The following RABL3 variants were observed in gnomAD, a reference collection of about 807,000 sequenced individuals.
RABL3 encodes rab-like protein 3.
In RABL3, 31 loss-of-function variants were observed where a neutral mutation model predicts 31.8. The observed-to-expected ratio is 0.97, with a 90% CI of 0.73 to 1.31. RABL3 has a LOEUF of 1.31. Ranked by LOEUF, RABL3 falls within the 40% of genes most tolerant of loss-of-function variation. The probability of loss-of-function intolerance (pLI) is 0.00; values close to 1 mark genes in which losing one functional copy is unlikely to be tolerated. For synonymous variants in RABL3, 97 were observed against 99.9 expected (o/e 0.97, Z 0.18); for missense variants, 263 against 279.6 (o/e 0.94, Z 0.42).
chr3:120,685,740 C>T lies in RABL3; in HGVS notation c.*4083G>A, dbSNP rs1042060342. On this transcript the variant is annotated 3_prime_UTR_variant, in exon 8 of 8. Coordinates refer to ENST00000273375, the MANE Select transcript of RABL3 (RefSeq NM_173825.5). Reference sequence around the variant, plus strand: ...TGGCACTCATAAAGTACAGAGTTCACAATCTATATTCCCTACTTTTTGATG... The same window carrying T: ...TGGCACTCATAAAGTACAGAGTTCATAATCTATATTCCCTACTTTTTGATG... Among the ~76,000 whole-genome samples, 2 of 152,166 alleles carry T rather than the reference C, an allele frequency of 1.3e-5. No homozygotes were observed. Among genetic ancestry groups the T allele is most frequent in the East Asian group, 3.9e-4 (2 of 5,192 alleles).
chr3:120,693,740 G>A (rs1708405539), intron 6 of RABL3, among the ~76,000 whole-genome samples: 1 of 152,154 alleles, frequency 6.6e-6, no homozygotes, highest in South Asian at 2.1e-4. Context: ...AAAGGTAACA[G>A]TAACATTTAT....
intron 2 of RABL3, 148 bp downstream of exon 2, chr3:120,730,548 A>C: frequency 1.7e-6 from 1 of 573,584 alleles, no homozygotes; most frequent in Non-Finnish European, 3.1e-6. Context: ...ATGTAAAGCA[A>C]CTGGCATAGT....
chr3:120,696,153 C>T (rs146840288), intron 5 of RABL3, among the ~76,000 whole-genome samples: 1 of 152,216 alleles, frequency 6.6e-6, no homozygotes, highest in Non-Finnish European at 1.5e-5. Context: ...AGTAATGGTT[C>T]ACCTATTTAT....
intron 7 of RABL3, among the ~76,000 whole-genome samples, chr3:120,690,090 G>T (rs1708361960): frequency 6.6e-6 from 1 of 152,054 alleles, no homozygotes; most frequent in African/African-American, 2.4e-5. Flanking sequence ...CCAACAAATT[G>T]GTGATAGTGT....
Position 120,686,423 on chromosome 3 carries a change from A to G in RABL3, c.*3400T>C, listed in dbSNP as rs999318889. ...ACTCTGATTACAAGGAGCAATTAGG[A>G]GCTCTTCACCTCAGTCTGATGTCCC... On this transcript the variant is annotated 3_prime_UTR_variant, in exon 8 of 8. Transcript: ENST00000273375. Among the ~76,000 whole-genome samples, 2 of 152,194 alleles carry G rather than the reference A, an allele frequency of 1.3e-5. No homozygotes were observed. Among genetic ancestry groups the G allele is most frequent in the Non-Finnish European group, 2.9e-5 (2 of 68,040 alleles).
chr3:120,724,072 C>T (rs1708784815), intron 2 of RABL3, among the ~76,000 whole-genome samples: 1 of 152,190 alleles, frequency 6.6e-6, no homozygotes, highest in African/African-American at 2.4e-5. Flanking sequence ...CCCAAAATCT[C>T]CTTAAGCTGA....
At chr3:120,725,222 A>C (rs1708803033) in intron 2 of RABL3, among the ~76,000 whole-genome samples, 1 of 152,236 alleles carries the variant, frequency 6.6e-6, no homozygotes. Flanking sequence ...GCCATCAGAG[A>C]AATGCAAATC....
intron 6 of RABL3, among the ~76,000 whole-genome samples, chr3:120,692,141 TTAC>T (rs1708386798): frequency 1.3e-5 from 2 of 152,210 alleles, no homozygotes; most frequent in African/African-American, 4.8e-5. Flanking sequence ...GCGTGAGGAA[TTAC>T]TACTAGTTGA....
chr3:120,729,594 T>A (rs1708859307), intron 2 of RABL3, among the ~76,000 whole-genome samples: 1 of 152,170 alleles, frequency 6.6e-6, no homozygotes, highest in Admixed American at 6.5e-5. Flanking sequence ...CAGGACATTT[T>A]GGAAAATTTT....
In RABL3 at chr3:120,689,813, T is replaced by G. The variant is rs776064798; in HGVS notation, c.*10A>C. 1 of 1,588,976 alleles carries G rather than the reference T, an allele frequency of 6.3e-7. No homozygotes were observed. The highest frequency in any genetic ancestry group is 2.2e-5 in the East Asian group (1 of 44,722). ...ACTGCTTGCTCACTCTTCCAAAGGA[T>G]GAGTGTAATTCAGTCATAATGAAGG... On this transcript the variant is annotated 3_prime_UTR_variant, in exon 8 of 8. Coordinates refer to ENST00000273375, the MANE Select transcript of RABL3 (RefSeq NM_173825.5).
intron 2 of RABL3, among the ~76,000 whole-genome samples, chr3:120,719,837 G>C (rs1441387994): frequency 6.6e-6 from 1 of 152,206 alleles, no homozygotes; most frequent in Non-Finnish European, 1.5e-5. Flanking sequence ...GAAGAGAGTA[G>C]TGGTTCTCCC....
At chr3:120,704,991 A>C (rs1352907313) in intron 4 of RABL3, among the ~76,000 whole-genome samples, 1 of 152,216 alleles carries the variant, frequency 6.6e-6, no homozygotes, top group Non-Finnish European at 1.5e-5. Context: ...GTGCTACTGC[A>C]CTCCAGCCTG....
Position 120,689,266 on chromosome 3 carries a change from G to A in RABL3, c.*557C>T, listed in dbSNP as rs1371146741. On this transcript the variant is annotated 3_prime_UTR_variant, in exon 8 of 8. Transcript: ENST00000273375. ...GAGCCATTTGCAAAGGAGAGAAGAG[G>A]GAGACAAGGGTTGCTATTATTAGGC... 6.6e-6 allele frequency: 1 copy of A among 152,192 alleles called. No individual in the cohort carries two copies. The highest frequency in any genetic ancestry group is 1.9e-4 in the East Asian group (1 of 5,200). The allele number at this position is 152,192 out of a possible 1,614,324, so 9.4% of individuals were successfully genotyped here. A position where few individuals can be genotyped will look rare whatever the true frequency, so the allele number is the denominator to read the frequency against.
intron 2 of RABL3, among the ~76,000 whole-genome samples, chr3:120,716,448 G>A (rs1183905643): frequency 2.0e-5 from 3 of 152,068 alleles, no homozygotes; most frequent in Non-Finnish European, 4.4e-5. Context: ...TGGTACTTAA[G>A]ATTAAACAAT....
rs1343751740 is a variant in RABL3, at chr3:120,688,613, A to G, written c.*1210T>C. ...AACTGTATATTTATTATTGTTATTT[A>G]AAAGTATGGAGCAAAATCAGGAGTG... On this transcript the variant is annotated 3_prime_UTR_variant, in exon 8 of 8. Coordinates refer to ENST00000273375, the MANE Select transcript of RABL3 (RefSeq NM_173825.5). 6.6e-6 allele frequency: 1 copy of G among 152,228 alleles called. No individual in the cohort carries two copies. Among genetic ancestry groups the G allele is most frequent in the East Asian group, 1.9e-4 (1 of 5,202 alleles). 9.4% of individuals were successfully genotyped at this position (152,228 alleles called of 1,614,324 possible).
chr3:120,740,564 G>A (rs1412575179), intron 1 of RABL3, among the ~76,000 whole-genome samples: 1 of 152,156 alleles, frequency 6.6e-6, no homozygotes, highest in African/African-American at 2.4e-5. Context: ...GTCTGGCTAA[G>A]TCATTTCTTT....
chr3:120,708,211 C>A (rs1447576246), intron 3 of RABL3, among the ~76,000 whole-genome samples: 1 of 151,136 alleles, frequency 6.6e-6, no homozygotes, highest in Non-Finnish European at 1.5e-5. Flanking sequence ...TCAATAAATG[C>A]AGTTTTTTTT....
At chr3:120,729,706 T>C (rs1708860490) in intron 2 of RABL3, among the ~76,000 whole-genome samples, 1 of 152,096 alleles carries the variant, frequency 6.6e-6, no homozygotes, top group Non-Finnish European at 1.5e-5. Context: ...TTAGATATAA[T>C]TGAAGAGATT....
intron 1 of RABL3, among the ~76,000 whole-genome samples, chr3:120,739,989 T>C (rs144603696): frequency 5.9e-5 from 9 of 152,352 alleles, no homozygotes; most frequent in African/African-American, 2.2e-4. Context: ...GCGAATTTCA[T>C]TTCTTTAAGA....
Sources: allele counts gnomAD v4.1 joint callset (sites outside exome capture counted in the v4.1 genomes callset), GRCh38; gene constraint gnomAD v4.1.1; transcripts MANE v1.5; gene names NCBI Gene and HGNC (gene_info 2026-07-23, HGNC 2026-07-21).